The following MOB3B variants were observed in gnomAD, a reference collection of about 807,000 sequenced individuals.
MOB3B encodes the protein MOB kinase activator-like 2B.
MOB3B carries 7 observed loss-of-function variants against 18.7 expected under a neutral mutation model. The ratio of observed to expected loss-of-function variants is 0.37; its 90% CI spans 0.21 to 0.70. MOB3B has a LOEUF of 0.70. MOB3B is among the 30% of genes least tolerant of loss of function. The pLI, the probability that MOB3B is intolerant of heterozygous loss-of-function variation, is 0.52. For missense variants in MOB3B, 253 were observed against 281.3 expected (o/e 0.90, Z 0.72); for synonymous variants, 111 against 99.9 (o/e 1.11, Z -0.66).
At chr9:27,379,898 T>C (rs1286194456) in intron 2 of MOB3B, among the ~76,000 whole-genome samples, 1 of 152,226 alleles carries the variant, frequency 6.6e-6, no homozygotes, top group East Asian at 1.9e-4. Context: ...TAGGTAAATC[T>C]TACTGCTATT....
intron 1 of MOB3B, among the ~76,000 whole-genome samples, chr9:27,505,841 A>C (rs1251026410): frequency 6.6e-6 from 1 of 152,132 alleles, no homozygotes; most frequent in Non-Finnish European, 1.5e-5. Context: ...TCTGCCTGGA[A>C]ACTCATTTCC....
chr9:27,506,459 A>G (rs1280814181), intron 1 of MOB3B, among the ~76,000 whole-genome samples: 1 of 152,050 alleles, frequency 6.6e-6, no homozygotes, highest in East Asian at 1.9e-4. Flanking sequence ...CACAATAGCC[A>G]ATATTTATTG....
intron 2 of MOB3B, among the ~76,000 whole-genome samples, chr9:27,448,313 G>A (rs1304680149): frequency 6.6e-6 from 1 of 152,178 alleles, no homozygotes; most frequent in African/African-American, 2.4e-5. Context: ...ATGACATAAT[G>A]CAGGTGTATT....
chr9:27,328,558 T>C lies in MOB3B; in HGVS notation c.*2029A>G, dbSNP rs1008056295. The C allele has an allele frequency of 3.9e-5, 6 of 152,314 alleles. No individual in the cohort carries two copies. Among genetic ancestry groups the C allele is most frequent in the Non-Finnish European group, 8.8e-5 (6 of 68,022 alleles). 9.4% of individuals were successfully genotyped at this position (152,314 alleles called of 1,614,324 possible). ...TAATAAAAAATAACCTTAAAAAGAA[T>C]GAATAACAAAGGTCTCCAGATTCCA... On this transcript the variant is annotated 3_prime_UTR_variant, in exon 4 of 4. Transcript: ENST00000262244.
intron 1 of MOB3B, among the ~76,000 whole-genome samples, chr9:27,490,104 GGCC>G (rs1819793334): frequency 2.0e-5 from 3 of 152,108 alleles, no homozygotes; most frequent in African/African-American, 7.2e-5. Flanking sequence ...CACCTGGCTG[GGCC>G]TCTTGTTCGA....
At chr9:27,334,458 G>A (rs1269143392) in intron 3 of MOB3B, among the ~76,000 whole-genome samples, 2 of 152,198 alleles carry the variant, frequency 1.3e-5, no homozygotes. Context: ...CCTAGTTTTT[G>A]TGGGGACGGT....
At chr9:27,352,401 G>A (rs906054639) in intron 3 of MOB3B, among the ~76,000 whole-genome samples, 10 of 151,384 alleles carry the variant, frequency 6.6e-5, no homozygotes, top group Admixed American at 5.3e-4. Flanking sequence ...AGTAACAAGT[G>A]TGAGGAGATG....
At chr9:27,388,895 T>C (rs529777097) in intron 2 of MOB3B, among the ~76,000 whole-genome samples, 1 of 152,234 alleles carries the variant, frequency 6.6e-6, no homozygotes, top group Admixed American at 6.5e-5. Context: ...CCTAAATTCA[T>C]CTTGAAAGTT....
At chr9:27,444,304 AAAGGAAGGAAGAAAGGAAGG>A (rs1380216440) in intron 2 of MOB3B, among the ~76,000 whole-genome samples, 1 of 77,666 alleles carries the variant, frequency 1.3e-5, no homozygotes, top group Non-Finnish European at 2.6e-5. Flanking sequence ...AGGAAGGAAG[AAAGGAAGGAAGAAAGGAAGG>A]AAGGAAGGAA....
chr9:27,392,456 G>T (rs1449743684), intron 2 of MOB3B, among the ~76,000 whole-genome samples: 1 of 152,134 alleles, frequency 6.6e-6, no homozygotes, highest in East Asian at 1.9e-4. Flanking sequence ...AATTGGGCAA[G>T]GGGATCAACA....
intron 1 of MOB3B, among the ~76,000 whole-genome samples, chr9:27,483,591 C>T (rs1386876239): frequency 6.6e-6 from 1 of 152,116 alleles, no homozygotes. Flanking sequence ...GAAAACAGAG[C>T]TAATCATAAA....
chr9:27,420,501 CTA>C (rs1205429876), intron 2 of MOB3B, among the ~76,000 whole-genome samples: 3 of 132,348 alleles, frequency 2.3e-5, no homozygotes, highest in Non-Finnish European at 3.2e-5. Context: ...TATATTCCAT[CTA>C]TATATTCCAT....
At chr9:27,479,742 C>T (rs751922890) in intron 1 of MOB3B, among the ~76,000 whole-genome samples, 2 of 152,020 alleles carry the variant, frequency 1.3e-5, no homozygotes, top group African/African-American at 4.8e-5. Flanking sequence ...ACTCTATGGC[C>T]CTTGCATTAC....
At chr9:27,404,358 T>TC (rs1821935280) in intron 2 of MOB3B, among the ~76,000 whole-genome samples, 1 of 133,946 alleles carries the variant, frequency 7.5e-6, no homozygotes, top group South Asian at 2.6e-4. Flanking sequence ...TTTTTTTTTT[T>TC]TTTTTTTTTT....
intron 2 of MOB3B, among the ~76,000 whole-genome samples, chr9:27,386,164 G>C (rs555373076): frequency 1.1e-3 from 165 of 152,342 alleles, no homozygotes; most frequent in African/African-American, 3.6e-3. Flanking sequence ...TGCCTCCCTT[G>C]CTGCCTCATT....
intron 3 of MOB3B, among the ~76,000 whole-genome samples, chr9:27,337,922 C>T (rs1013547981): frequency 2.0e-5 from 3 of 152,152 alleles, no homozygotes; most frequent in Non-Finnish European, 2.9e-5. Context: ...GTTTGAAGGG[C>T]TCAGAATTCC....
intron 2 of MOB3B, among the ~76,000 whole-genome samples, chr9:27,368,345 C>CACAT (rs1013002427): frequency 4.9e-5 from 6 of 121,738 alleles, no homozygotes; most frequent in African/African-American, 1.6e-4. Flanking sequence ...TATATACACA[C>CACAT]ACATACATAC....
chr9:27,476,847 T>C (rs1174819531), intron 1 of MOB3B, among the ~76,000 whole-genome samples: 1 of 152,228 alleles, frequency 6.6e-6, no homozygotes, highest in Non-Finnish European at 1.5e-5. Flanking sequence ...AGATAGTGAC[T>C]GAGCATGGCA....
intron 2 of MOB3B, among the ~76,000 whole-genome samples, chr9:27,444,846 G>C (rs1265695085): frequency 6.6e-6 from 1 of 152,142 alleles, no homozygotes; most frequent in Non-Finnish European, 1.5e-5. Context: ...CTAGCATATT[G>C]CTTGGCCCAG....
Sources: gnomAD v4.1 joint callset for allele counts (sites outside exome capture counted in the v4.1 genomes callset) on GRCh38, gnomAD v4.1.1 for gene constraint, MANE v1.5 for transcripts, NCBI Gene and HGNC (gene_info 2026-07-23, HGNC 2026-07-21) for gene names.